ANKS1B: variants seen among roughly 807,000 people sequenced by gnomAD.
ANKS1B encodes the protein ankyrin repeat and sterile alpha motif domain-containing protein 1B.
In ANKS1B, 36 loss-of-function variants were observed where a neutral mutation model predicts 148.3. The observed-to-expected ratio is 0.24, with a 90% CI of 0.19 to 0.32. The LOEUF (loss-of-function observed/expected upper bound fraction) is 0.32, where lower values mean the gene tolerates loss of function less well. Among genes scored for constraint, ANKS1B ranks in the 10% least tolerant of loss-of-function variants. ANKS1B has a pLI of 1.00. For missense variants in ANKS1B, 1,157 were observed against 1,542.6 expected (o/e 0.75, Z 4.19); for synonymous variants, 542 against 560.8 (o/e 0.97, Z 0.47).
intron 17 of ANKS1B, among the ~76,000 whole-genome samples, chr12:98,861,098 G>A (rs1231703535): frequency 6.6e-6 from 1 of 152,180 alleles, no homozygotes; most frequent in African/African-American, 2.4e-5. Flanking sequence ...GAGTTAGGTA[G>A]GCGGGAAGGA....
chr12:98,877,318 A>G (rs937068156), intron 17 of ANKS1B, among the ~76,000 whole-genome samples: 37 of 152,230 alleles, frequency 2.4e-4, no homozygotes, highest in Non-Finnish European at 4.6e-4. Flanking sequence ...AAATCTCTCC[A>G]AACGTACTGC....
intron 25 of ANKS1B, among the ~76,000 whole-genome samples, chr12:98,755,711 G>A (rs2098223031): frequency 6.6e-6 from 1 of 152,146 alleles, no homozygotes; most frequent in Non-Finnish European, 1.5e-5. Context: ...GAGGCTCAGA[G>A]GGGTGAAATA....
chr12:98,771,552 C>T (rs1199915994), intron 25 of ANKS1B, among the ~76,000 whole-genome samples: 1 of 152,154 alleles, frequency 6.6e-6, no homozygotes, highest in Non-Finnish European at 1.5e-5. Flanking sequence ...CAGCTTACTG[C>T]AGCCTCGACC....
At chr12:98,805,407 CA>C (rs1445876681) in intron 20 of ANKS1B, among the ~76,000 whole-genome samples, 1 of 151,672 alleles carries the variant, frequency 6.6e-6, no homozygotes, top group Admixed American at 6.6e-5. Context: ...AAACTTCTAA[CA>C]TAAAGGAAAA....
chr12:99,220,939 T>C (rs1301185172), intron 14 of ANKS1B, among the ~76,000 whole-genome samples: 1 of 152,114 alleles, frequency 6.6e-6, no homozygotes, highest in African/African-American at 2.4e-5. Context: ...ATAATAAGAT[T>C]CTTATATAAT....
intron 17 of ANKS1B, among the ~76,000 whole-genome samples, chr12:98,971,652 G>A (rs890181422): frequency 6.6e-6 from 1 of 152,262 alleles, no homozygotes; most frequent in African/African-American, 2.4e-5. Flanking sequence ...ATACTTTGTA[G>A]ACAGAGGTGG....
intron 1 of ANKS1B, among the ~76,000 whole-genome samples, chr12:99,874,895 A>C (rs550837666): frequency 6.6e-6 from 1 of 152,336 alleles, no homozygotes; most frequent in African/African-American, 2.4e-5. Flanking sequence ...TGCCTAATAC[A>C]TTGCAAATAC....
rs566606647 is a variant in ANKS1B, at chr12:99,621,122, C to T, written c.1272+33945G>A. Among the ~76,000 whole-genome samples, 9 of 152,146 alleles carry T rather than the reference C, an allele frequency of 5.9e-5. No homozygotes were observed. The South Asian group carries it at 1.9e-3, about 32-fold the overall frequency. On this transcript the variant is annotated intron_variant, in intron 9 of 26. Coordinates refer to ENST00000683438, the MANE Select transcript of ANKS1B (RefSeq NM_001352186.2). ...CATTCTTAAAGAAAAGAAATTCCAA[C>T]CAAGAATTTAATATCCTGCCATACT...
intron 9 of ANKS1B, among the ~76,000 whole-genome samples, chr12:99,530,551 T>C (rs2096977771): frequency 6.6e-6 from 1 of 152,178 alleles, no homozygotes; most frequent in Admixed American, 6.5e-5. Context: ...AACAGGTAAG[T>C]TGTACCACTG....
chr12:99,526,378 T>A (rs2096926511), intron 9 of ANKS1B, among the ~76,000 whole-genome samples: 1 of 152,206 alleles, frequency 6.6e-6, no homozygotes, highest in African/African-American at 2.4e-5. Flanking sequence ...CATTACTATT[T>A]CTAAAACATG....
chr12:99,308,822 A>G (rs2082714745), intron 12 of ANKS1B, among the ~76,000 whole-genome samples: 1 of 150,936 alleles, frequency 6.6e-6, no homozygotes, highest in African/African-American at 2.4e-5. Context: ...TCTTTCACAC[A>G]TTTTATTAGA....
intron 17 of ANKS1B, among the ~76,000 whole-genome samples, chr12:98,971,837 A>T (rs1342539262): frequency 1.3e-5 from 2 of 152,152 alleles, no homozygotes; most frequent in Non-Finnish European, 2.9e-5. Flanking sequence ...ATAGTGGCTT[A>T]ACAGAGAGGA....
intron 17 of ANKS1B, among the ~76,000 whole-genome samples, chr12:98,985,768 CTTTAAAAATAAG>C (rs2099922958): frequency 6.6e-6 from 1 of 152,010 alleles, no homozygotes; most frequent in African/African-American, 2.4e-5. Flanking sequence ...CTTTTAAAAT[CTTTAAAAATAAG>C]TAAGAAAACA....
intron 9 of ANKS1B, among the ~76,000 whole-genome samples, chr12:99,510,026 G>T (rs917206306): frequency 2.6e-5 from 4 of 151,928 alleles, no homozygotes; most frequent in Non-Finnish European, 4.4e-5. Context: ...ATGTCTGTTG[G>T]CAGCATGTCT....
chr12:99,715,513 G>C (rs532749636), intron 8 of ANKS1B, among the ~76,000 whole-genome samples: 4 of 152,006 alleles, frequency 2.6e-5, no homozygotes, highest in African/African-American at 4.8e-5. Context: ...GACTCAGCCC[G>C]CCTGCACCCA....
chr12:99,534,984 C>G (rs1174271836), intron 9 of ANKS1B, among the ~76,000 whole-genome samples: 1 of 152,074 alleles, frequency 6.6e-6, no homozygotes, highest in Non-Finnish European at 1.5e-5. Flanking sequence ...GCTGGGATTA[C>G]AGGCATGAGC....
intron 15 of ANKS1B, among the ~76,000 whole-genome samples, chr12:99,094,026 A>G (rs1334671303): frequency 6.6e-6 from 1 of 152,206 alleles, no homozygotes; most frequent in Non-Finnish European, 1.5e-5. Context: ...TCTGGAAATG[A>G]GCTGGCAGAG....
chr12:98,924,499 A>G (rs2099805518), intron 17 of ANKS1B, among the ~76,000 whole-genome samples: 1 of 152,114 alleles, frequency 6.6e-6, no homozygotes, highest in Non-Finnish European at 1.5e-5. Context: ...GACTTTAGGA[A>G]ACCAAAGTAG....
chr12:99,905,561 G>A (rs1201570986), intron 1 of ANKS1B, among the ~76,000 whole-genome samples: 3 of 152,176 alleles, frequency 2.0e-5, no homozygotes, highest in Admixed American at 6.5e-5. Context: ...ATCAGTTGCT[G>A]GGGCCATAAC....
Sources: allele counts gnomAD v4.1 joint callset (sites outside exome capture counted in the v4.1 genomes callset), GRCh38; gene constraint gnomAD v4.1.1; transcripts MANE v1.5; gene names NCBI Gene and HGNC (gene_info 2026-07-23, HGNC 2026-07-21).